Variants in TBC1D32 observed in about 807,000 individuals in gnomAD.
TBC1D32 encodes the protein TBC1 domain family member 32, also known as protein broad-minded.
Under a neutral mutation model 170.3 loss-of-function variants are expected in TBC1D32, and 151 were observed. The ratio of observed to expected loss-of-function variants is 0.89; its 90% CI spans 0.78 to 1.01. The LOEUF (loss-of-function observed/expected upper bound fraction) is 1.01. TBC1D32 is among the 50% of genes least tolerant of loss of function. The pLI, the probability that TBC1D32 is intolerant of heterozygous loss-of-function variation, is 0.00. For synonymous variants in TBC1D32, 498 were observed against 488.0 expected, an observed-to-expected ratio of 1.02 and a Z score of -0.27; for missense variants, 1,464 against 1,457.1, an observed-to-expected ratio of 1.00 and a Z score of -0.08.
intron 22 of TBC1D32, among the ~76,000 whole-genome samples, chr6:121,163,501 CTGTT>C (rs1361315193): frequency 1.8e-4 from 1 of 5,664 alleles, no homozygotes; most frequent in East Asian, 6.9e-3. Flanking sequence ...AGGGTCCTGT[CTGTT>C]AGAAGGAAAA....
chr6:121,236,774 T>G (rs1209696268), intron 20 of TBC1D32, among the ~76,000 whole-genome samples: 1 of 152,118 alleles, frequency 6.6e-6, no homozygotes, highest in African/African-American at 2.4e-5. Context: ...ATATAAAATG[T>G]GAGGAAGTTG....
intron 15 of TBC1D32, among the ~76,000 whole-genome samples, chr6:121,274,708 C>T (rs1278214713): frequency 6.6e-6 from 1 of 151,826 alleles, no homozygotes; most frequent in Non-Finnish European, 1.5e-5. Flanking sequence ...AAAAAGACTT[C>T]TAGAAAAAGG....
intron 5 of TBC1D32, among the ~76,000 whole-genome samples, chr6:121,305,876 C>A (rs1295331814): frequency 6.6e-6 from 1 of 152,008 alleles, no homozygotes; most frequent in Admixed American, 6.6e-5. Context: ...AATTTTATTA[C>A]CATCTCTCCT....
intron 15 of TBC1D32, among the ~76,000 whole-genome samples, chr6:121,272,137 C>T (rs973618504): frequency 3.3e-5 from 5 of 152,056 alleles, no homozygotes; most frequent in South Asian, 2.1e-4. Context: ...AATGTTAGAC[C>T]TAAAACCATA....
At chr6:121,110,000 C>T (rs1424550516) in intron 29 of TBC1D32, among the ~76,000 whole-genome samples, 1 of 151,756 alleles carries the variant, frequency 6.6e-6, no homozygotes, top group Non-Finnish European at 1.5e-5. Context: ...GCCTGTAATC[C>T]CAGCACTTTG....
chr6:121,267,991 A>G (rs1279663821), intron 15 of TBC1D32, among the ~76,000 whole-genome samples: 1 of 152,148 alleles, frequency 6.6e-6, no homozygotes, highest in East Asian at 1.9e-4. Flanking sequence ...ACCCAGGCAA[A>G]CAGCGTCTGG....
chr6:121,219,830 G>A (rs926899221), intron 21 of TBC1D32, among the ~76,000 whole-genome samples: 1 of 152,194 alleles, frequency 6.6e-6, no homozygotes, highest in Non-Finnish European at 1.5e-5. Context: ...TTGTGTCTCT[G>A]CATCACATTT....
intron 15 of TBC1D32, among the ~76,000 whole-genome samples, chr6:121,257,077 T>C (rs1799133954): frequency 2.0e-5 from 3 of 152,194 alleles, no homozygotes; most frequent in Non-Finnish European, 4.4e-5. Context: ...CAGGTCCTAA[T>C]ATTTTTCCCT....
intron 1 of TBC1D32, 79 bp from the exon 2 acceptor site, chr6:121,321,873 C>T (rs1010894001): frequency 3.2e-6 from 4 of 1,254,894 alleles, no homozygotes; most frequent in Non-Finnish European, 1.1e-6. Context: ...AGAAAGGTAA[C>T]ATATTAAGAT....
chr6:121,115,174 G>A lies in TBC1D32; in HGVS notation c.3051C>T (p.Val1017=), dbSNP rs370172276. 3 of 1,595,124 alleles carry A rather than the reference G, an allele frequency of 1.9e-6. No individual in the cohort carries two copies. Among genetic ancestry groups the A allele is most frequent in the Non-Finnish European group, 2.6e-6 (3 of 1,169,168 alleles). The change falls in exon 27 of 32, where the codon GTC becomes GTT. Residue 1017 remains valine, a splice_region_variant and synonymous_variant. Transcript: ENST00000398212. ...GGAGCTATTTCCCTATAATATACCT[G>A]ACAGTCATTTTAATGCCAAGCTGCT... ...SVQQLGIKMT[V]RYGKFLSLLK...
chr6:121,131,799 A>G (rs776142558), intron 24 of TBC1D32, 47 bp from the exon 25 acceptor site: 1 of 1,447,738 alleles, frequency 6.9e-7, no homozygotes, highest in Non-Finnish European at 9.4e-7. Context: ...TGCTAGATAT[A>G]CTGAAAAATT....
rs779286874 is a variant in TBC1D32 at position 121,307,977 on chromosome 6, C to T, written c.689G>A (p.Ser230Asn). The part of the protein sequence containing the change: ...VSLSDPDPVF[S>N]DRILKFCAQT... ...ATATTTCTATAACCATTTTCTTACA[C>T]TAAACACAGGATCAGGATCTGAAAG... Residue 230 changes from serine to asparagine, a missense_variant and splice_region_variant, in exon 5 of 32, where the codon AGT becomes AAT. Transcript: ENST00000398212. 1.9e-6 allele frequency: 3 copies of T among 1,611,342 alleles called. No homozygotes were observed. The highest frequency in any genetic ancestry group is 2.7e-5 in the African/African-American group (2 of 74,800).
chr6:121,122,553 T>C (rs1413684901), intron 26 of TBC1D32, among the ~76,000 whole-genome samples: 1 of 147,506 alleles, frequency 6.8e-6, no homozygotes, highest in African/African-American at 2.6e-5. Flanking sequence ...TGCTGAAGTG[T>C]GGTAAAAAAA....
intron 26 of TBC1D32, chr6:121,115,714 C>T (rs1779620051): frequency 6.6e-6 from 1 of 152,246 alleles, no homozygotes; most frequent in South Asian, 2.1e-4. Context: ...TCCTGCAGGC[C>T]AAGTTTTCTT....
At position 121,179,304 on chromosome 6, in the gene TBC1D32, G is replaced by T. The variant is rs1366159245; in HGVS notation, c.2571-18248C>A. Reference sequence around the variant, plus strand: ...ATATATATATGTATAGTTTGTGTGTGTGTGTGTGTGCATGTGTGTGAAAAT... The same window carrying T: ...ATATATATATGTATAGTTTGTGTGTTTGTGTGTGTGCATGTGTGTGAAAAT... On this transcript the variant is annotated intron_variant, in intron 22 of 31. Transcript: ENST00000398212. 2.7e-5 allele frequency among the ~76,000 whole-genome samples: 4 copies of T among 150,764 alleles called. No individual in the cohort carries two copies. The East Asian group carries it at 7.8e-4, about 29-fold the overall frequency.
chr6:121,162,114 T>A (rs1247857971), intron 22 of TBC1D32, among the ~76,000 whole-genome samples: 2 of 152,212 alleles, frequency 1.3e-5, no homozygotes, highest in African/African-American at 4.8e-5. Context: ...GATGGCCAGA[T>A]TGCAAAAAGT....
chr6:121,293,637 C>T (rs369518791), intron 11 of TBC1D32, among the ~76,000 whole-genome samples: 6 of 152,238 alleles, frequency 3.9e-5, no homozygotes, highest in Admixed American at 1.3e-4. Flanking sequence ...TTCTGCAGGG[C>T]GCGGTGGCTC....
intron 29 of TBC1D32, among the ~76,000 whole-genome samples, chr6:121,108,970 T>C (rs1778961749): frequency 6.6e-6 from 1 of 152,156 alleles, no homozygotes; most frequent in African/African-American, 2.4e-5. Context: ...ACTTTGATTC[T>C]ATAATTCTAG....
At chr6:121,105,658 G>T (rs568232226) in intron 30 of TBC1D32, among the ~76,000 whole-genome samples, 23 of 152,000 alleles carry the variant, frequency 1.5e-4, no homozygotes, top group Middle Eastern at 3.4e-3. Context: ...TTAATCCGCG[G>T]GGATTTTTTG....
Sources: gnomAD v4.1 joint callset for allele counts (sites outside exome capture counted in the v4.1 genomes callset) on GRCh38, gnomAD v4.1.1 for gene constraint, MANE v1.5 for transcripts, NCBI Gene and HGNC (gene_info 2026-07-23, HGNC 2026-07-21) for gene names.